The following MAPK8 variants were observed in gnomAD, a reference collection of about 807,000 sequenced individuals.
MAPK8 encodes the protein JUN N-terminal kinase.
In MAPK8, 13 loss-of-function variants were observed where a neutral mutation model predicts 52.9. The observed-to-expected ratio is 0.25, with a 90% CI of 0.16 to 0.39. MAPK8 has a LOEUF of 0.39. MAPK8 is among the 10% of genes least tolerant of loss of function. The pLI is 1.00. For synonymous variants in MAPK8, 191 were observed against 169.8 expected (o/e 1.12, Z -0.97); for missense variants, 300 against 519.2 (o/e 0.58, Z 4.10).
At chr10:48,377,436 C>G (rs1221518356) in intron 1 of MAPK8, among the ~76,000 whole-genome samples, 2 of 152,152 alleles carry the variant, frequency 1.3e-5, no homozygotes, top group Non-Finnish European at 2.9e-5. Flanking sequence ...CCTCACTGCT[C>G]TTGGTCAATT....
At chr10:48,370,968 C>A (rs1320471685) in intron 1 of MAPK8, among the ~76,000 whole-genome samples, 7 of 152,010 alleles carry the variant, frequency 4.6e-5, no homozygotes, top group Non-Finnish European at 8.8e-5. Flanking sequence ...AGAAAAGATG[C>A]TTACAAGCTT....
intron 1 of MAPK8, among the ~76,000 whole-genome samples, chr10:48,387,924 C>G (rs910126303): frequency 5.3e-5 from 8 of 152,072 alleles, no homozygotes; most frequent in African/African-American, 1.7e-4. Context: ...TGTGTAAAGC[C>G]AAAGTCAGAA....
chr10:48,339,332 G>A lies in MAPK8; in HGVS notation c.-50+32511G>A, dbSNP rs117093762. On this transcript the variant is annotated intron_variant, in intron 1 of 11. Coordinates refer to ENST00000374189, the MANE Select transcript of MAPK8 (RefSeq NM_001323329.2). ...ACTGAGTCAACAAAAATAAGCAATAGAGAAAGGATACCCTATTCAATAAAT... is the reference window on the plus strand; with the variant it reads ...ACTGAGTCAACAAAAATAAGCAATAAAGAAAGGATACCCTATTCAATAAAT... Among the ~76,000 whole-genome samples, 242 of 152,240 alleles carry A rather than the reference G, an allele frequency of 1.6e-3. 2 individuals are homozygous for A. In the Middle Eastern group the frequency reaches 0.034, roughly 21 times the overall value.
intron 1 of MAPK8, among the ~76,000 whole-genome samples, chr10:48,381,790 T>C (rs1323392141): frequency 2.0e-5 from 3 of 152,218 alleles, no homozygotes; most frequent in Non-Finnish European, 4.4e-5. Context: ...TTTATGATTA[T>C]CTATTACTTT....
At chr10:48,328,102 A>G (rs1302336783) in intron 1 of MAPK8, among the ~76,000 whole-genome samples, 1 of 151,916 alleles carries the variant, frequency 6.6e-6, no homozygotes, top group African/African-American at 2.4e-5. Flanking sequence ...CTGCAACCTC[A>G]GCCTCCTGGG....
At chr10:48,414,410 A>C (rs1230332261) in intron 5 of MAPK8, among the ~76,000 whole-genome samples, 1 of 147,290 alleles carries the variant, frequency 6.8e-6, no homozygotes, top group Non-Finnish European at 1.5e-5. Flanking sequence ...TTTGTATTTT[A>C]GTTAAATCTA....
At chr10:48,426,846 A>G (rs2043713821) in intron 9 of MAPK8, 2 of 493,924 alleles carry the variant, frequency 4.0e-6, no homozygotes, top group Non-Finnish European at 7.2e-6. Flanking sequence ...TATAAATAAA[A>G]TGTGGCAATT....
intron 9 of MAPK8, 176 bp from the exon 10 acceptor site, chr10:48,426,904 T>C: frequency 1.9e-6 from 1 of 536,424 alleles, no homozygotes; most frequent in South Asian, 2.6e-5. Flanking sequence ...TTTTATTTCC[T>C]GCAATGAAGG....
intron 1 of MAPK8, among the ~76,000 whole-genome samples, chr10:48,348,272 A>G (rs888687576): frequency 6.6e-6 from 1 of 152,190 alleles, no homozygotes; most frequent in African/African-American, 2.4e-5. Context: ...AGTTCTTTGT[A>G]GATTCTGGAT....
At chr10:48,371,578 C>T (rs935015813) in intron 1 of MAPK8, among the ~76,000 whole-genome samples, 36 of 152,086 alleles carry the variant, frequency 2.4e-4, no homozygotes, top group Admixed American at 2.0e-3. Context: ...TATAATCATA[C>T]AAGACAGAAT....
chr10:48,368,430 A>T (rs575232136), intron 1 of MAPK8, among the ~76,000 whole-genome samples: 1 of 152,184 alleles, frequency 6.6e-6, no homozygotes, highest in Non-Finnish European at 1.5e-5. Context: ...CTCTCCCCGC[A>T]TGTTGGCTTG....
At chr10:48,309,316 CA>C (rs1841735594) in intron 1 of MAPK8, among the ~76,000 whole-genome samples, 3 of 152,142 alleles carry the variant, frequency 2.0e-5, no homozygotes, top group African/African-American at 7.2e-5. Context: ...GAAGAAACAC[CA>C]TATCCATTAG....
At chr10:48,332,809 T>C (rs987400093) in intron 1 of MAPK8, among the ~76,000 whole-genome samples, 56 of 152,366 alleles carry the variant, frequency 3.7e-4, no homozygotes, top group African/African-American at 1.3e-3. Context: ...GGCCCCACTC[T>C]GTCCAGATTT....
intron 1 of MAPK8, among the ~76,000 whole-genome samples, chr10:48,391,371 A>G (rs2041612852): frequency 6.6e-6 from 1 of 152,192 alleles, no homozygotes; most frequent in Admixed American, 6.5e-5. Context: ...TAATCTCAGA[A>G]GCCTTCTAAG....
chr10:48,367,246 G>T (rs1848133635), intron 1 of MAPK8, among the ~76,000 whole-genome samples: 2 of 152,058 alleles, frequency 1.3e-5, no homozygotes, highest in Non-Finnish European at 2.9e-5. Context: ...CACGCCTGTA[G>T]TCCTAGCTAT....
At position 48,385,513 on chromosome 10, in the gene MAPK8, AG is replaced by A. The variant is rs1281116636; in HGVS notation, c.-49-16098del. Among the ~76,000 whole-genome samples the A allele has an allele frequency of 8.5e-5, 13 of 152,344 alleles. No homozygotes were observed. In the East Asian group the frequency reaches 2.3e-3, roughly 27 times the overall value. Reference sequence around the variant, plus strand: ...CCCTTTTGTAGAGGAAGAGATGATTAGACGAGAAATACTTAGTGTCTGGCAC... The same window carrying A: ...CCCTTTTGTAGAGGAAGAGATGATTAACGAGAAATACTTAGTGTCTGGCAC... On this transcript the variant is annotated intron_variant, in intron 1 of 11. Transcript: ENST00000374189.
intron 1 of MAPK8, among the ~76,000 whole-genome samples, chr10:48,309,304 A>G (rs1303834334): frequency 6.6e-6 from 1 of 152,208 alleles, no homozygotes; most frequent in Non-Finnish European, 1.5e-5. Context: ...TCATCACCCC[A>G]AGAAGAAACA....
At chr10:48,419,796 G>A (rs772521125) in intron 5 of MAPK8, among the ~76,000 whole-genome samples, 1 of 152,138 alleles carries the variant, frequency 6.6e-6, no homozygotes, top group Non-Finnish European at 1.5e-5. Context: ...AATATGTTAT[G>A]CAAATGAATA....
chr10:48,387,347 A>G (rs1479285843), intron 1 of MAPK8, among the ~76,000 whole-genome samples: 6 of 152,152 alleles, frequency 3.9e-5, no homozygotes, highest in Non-Finnish European at 8.8e-5. Flanking sequence ...TTTGCCCTCT[A>G]TTACGGAGGG....
Sources: allele counts gnomAD v4.1 joint callset (sites outside exome capture counted in the v4.1 genomes callset), GRCh38; gene constraint gnomAD v4.1.1; transcripts MANE v1.5; gene names NCBI Gene and HGNC (gene_info 2026-07-23, HGNC 2026-07-21).